Variants in FIGN observed in about 807,000 individuals in gnomAD.
FIGN encodes fidgetin, microtubule severing factor.
A neutral mutation model predicts 51.3 loss-of-function variants in FIGN; 11 were observed. The ratio of observed to expected loss-of-function variants is 0.21; its 90% CI spans 0.13 to 0.35. The LOEUF (loss-of-function observed/expected upper bound fraction) is 0.35. FIGN is among the 10% of genes least tolerant of loss of function. FIGN has a pLI of 1.00. For synonymous variants in FIGN, 407 were observed against 363.2 expected (o/e 1.12, Z -1.37); for missense variants, 857 against 943.6 (o/e 0.91, Z 1.20).
chr2:163,624,897 T>G (rs564854429), intron 2 of FIGN, among the ~76,000 whole-genome samples: 43 of 152,052 alleles, frequency 2.8e-4, no homozygotes, highest in Non-Finnish European at 5.0e-4. Context: ...TGAAAAGTGT[T>G]CCTAGCGCTG....
intron 2 of FIGN, among the ~76,000 whole-genome samples, chr2:163,721,206 T>G (rs1404486172): frequency 6.6e-6 from 1 of 152,176 alleles, no homozygotes; most frequent in Non-Finnish European, 1.5e-5. Context: ...TTTTATTAAT[T>G]TAAAACCCCA....
chr2:163,731,156 C>T (rs1421220969), intron 2 of FIGN, among the ~76,000 whole-genome samples: 2 of 152,116 alleles, frequency 1.3e-5, no homozygotes, highest in East Asian at 3.9e-4. Flanking sequence ...GCTGTCTTCA[C>T]CTTGACATGA....
Position 163,668,022 on chromosome 2 carries a change from C to CA in FIGN, c.26-56217_26-56216insT, listed in dbSNP as rs965050477. On this transcript the variant is annotated intron_variant, in intron 2 of 2. Coordinates refer to ENST00000333129, the MANE Select transcript of FIGN (RefSeq NM_018086.4). Reference sequence around the variant, plus strand: ...GAACACCCCTACCTCCAACCCCCCCCCCCAAAAAACCCTCCACAAGTAACA... The same window carrying CA: ...GAACACCCCTACCTCCAACCCCCCCCACCCAAAAAACCCTCCACAAGTAACA... 1.3e-4 allele frequency among the ~76,000 whole-genome samples: 20 copies of CA among 149,466 alleles called. 1 individual carries two copies. The East Asian group carries it at 2.4e-3, about 18-fold the overall frequency.
chr2:163,721,926 T>C (rs1684763817), intron 2 of FIGN, among the ~76,000 whole-genome samples: 2 of 152,204 alleles, frequency 1.3e-5, no homozygotes, highest in Non-Finnish European at 2.9e-5. Flanking sequence ...AAAACACAAA[T>C]ATGAAATATA....
chr2:163,658,849 G>C (rs1683606280), intron 2 of FIGN, among the ~76,000 whole-genome samples: 1 of 152,186 alleles, frequency 6.6e-6, no homozygotes, highest in African/African-American at 2.4e-5. Context: ...CTTGTCTTCA[G>C]ATACCATTAG....
intron 2 of FIGN, among the ~76,000 whole-genome samples, chr2:163,725,840 A>C (rs1684830210): frequency 6.6e-6 from 1 of 152,084 alleles, no homozygotes; most frequent in South Asian, 2.1e-4. Context: ...AACTGCCAAA[A>C]ATTTTATTGA....
intron 2 of FIGN, among the ~76,000 whole-genome samples, chr2:163,678,330 C>T (rs762210499): frequency 6.6e-6 from 1 of 152,112 alleles, no homozygotes; most frequent in African/African-American, 2.4e-5. Flanking sequence ...AACTGATTCT[C>T]CCGCCTCAGC....
At chr2:163,630,895 C>T (rs377065461) in intron 2 of FIGN, among the ~76,000 whole-genome samples, 8 of 152,256 alleles carry the variant, frequency 5.3e-5, no homozygotes, top group East Asian at 3.9e-4. Flanking sequence ...AAACAGGTTT[C>T]GTCTTCATCA....
intron 2 of FIGN, among the ~76,000 whole-genome samples, chr2:163,671,072 C>T (rs1006864569): frequency 1.3e-5 from 2 of 152,146 alleles, no homozygotes; most frequent in African/African-American, 2.4e-5. Flanking sequence ...ATCCAGCTGG[C>T]GTGACTTGGC....
intron 2 of FIGN, among the ~76,000 whole-genome samples, chr2:163,720,048 T>C (rs1283379128): frequency 1.3e-5 from 2 of 152,150 alleles, no homozygotes; most frequent in African/African-American, 4.8e-5. Flanking sequence ...TGTGGACAAA[T>C]GCACATGCAC....
chr2:163,700,150 C>T (rs1353870206), intron 2 of FIGN, among the ~76,000 whole-genome samples: 1 of 152,114 alleles, frequency 6.6e-6, no homozygotes, highest in Non-Finnish European at 1.5e-5. Flanking sequence ...CAGTTATGCA[C>T]CTAGTAAACT....
At chr2:163,715,813 G>A (rs1684658613) in intron 2 of FIGN, among the ~76,000 whole-genome samples, 1 of 152,146 alleles carries the variant, frequency 6.6e-6, no homozygotes, top group African/African-American at 2.4e-5. Flanking sequence ...GGCTGGGTAT[G>A]AATCTATATC....
At chr2:163,724,809 A>T (rs1443788585) in intron 2 of FIGN, among the ~76,000 whole-genome samples, 1 of 152,106 alleles carries the variant, frequency 6.6e-6, no homozygotes, top group Non-Finnish European at 1.5e-5. Flanking sequence ...CTTTAAAGGC[A>T]TATATATATG....
At chr2:163,662,806 C>T (rs978070175) in intron 2 of FIGN, among the ~76,000 whole-genome samples, 8 of 152,278 alleles carry the variant, frequency 5.3e-5, no homozygotes, top group African/African-American at 1.9e-4. Flanking sequence ...ATCATGGGGG[C>T]TGGTCTTTGC....
intron 2 of FIGN, among the ~76,000 whole-genome samples, chr2:163,659,736 AAC>A (rs1434406917): frequency 1.3e-5 from 2 of 152,228 alleles, no homozygotes; most frequent in Non-Finnish European, 2.9e-5. Context: ...TTTGTTGGGA[AAC>A]ACAAATCAGA....
chr2:163,652,146 T>A (rs957584810), intron 2 of FIGN, among the ~76,000 whole-genome samples: 4 of 152,136 alleles, frequency 2.6e-5, no homozygotes, highest in Non-Finnish European at 4.4e-5. Flanking sequence ...CTCGGGGTCC[T>A]TTACAAAGAA....
intron 2 of FIGN, among the ~76,000 whole-genome samples, chr2:163,664,759 C>G (rs574676400): frequency 6.6e-6 from 1 of 152,326 alleles, no homozygotes; most frequent in African/African-American, 2.4e-5. Context: ...CTATGTGAGT[C>G]AACACTCTAG....
At chr2:163,649,202 A>G (rs1256618158) in intron 2 of FIGN, among the ~76,000 whole-genome samples, 1 of 152,204 alleles carries the variant, frequency 6.6e-6, no homozygotes, top group Non-Finnish European at 1.5e-5. Context: ...GACCATGTCA[A>G]AGAATTAGAA....
In FIGN at chr2:163,730,431, C is replaced by T. The variant is rs373275747; in HGVS notation, c.25+4472G>A. Reference sequence around the variant, plus strand: ...ACTTGCTAAACTGGCCATTTATTTGCAGTGTGTCAAAAAAATTCTTTCATT... The same window carrying T: ...ACTTGCTAAACTGGCCATTTATTTGTAGTGTGTCAAAAAAATTCTTTCATT... On this transcript the variant is annotated intron_variant, in intron 2 of 2. Coordinates refer to ENST00000333129, the MANE Select transcript of FIGN (RefSeq NM_018086.4). Among the ~76,000 whole-genome samples, 8 of 152,010 alleles carry T rather than the reference C, an allele frequency of 5.3e-5. No individual in the cohort carries two copies. In the East Asian group the frequency reaches 1.2e-3, roughly 22 times the overall value.
Sources: gnomAD v4.1 joint callset for allele counts (sites outside exome capture counted in the v4.1 genomes callset) on GRCh38, gnomAD v4.1.1 for gene constraint, MANE v1.5 for transcripts, NCBI Gene and HGNC (gene_info 2026-07-23, HGNC 2026-07-21) for gene names.